Variants in SRPK2 observed in about 807,000 individuals in gnomAD.
SRPK2 encodes the protein SFRS protein kinase 2.
SRPK2 carries 21 observed loss-of-function variants against 90.8 expected under a neutral mutation model. That is an observed-to-expected ratio of 0.23 (90% CI 0.16 to 0.33). The LOEUF is 0.33. SRPK2 is among the 10% of genes least tolerant of loss of function. The pLI, the probability that SRPK2 is intolerant of heterozygous loss-of-function variation, is 1.00. For missense variants in SRPK2, 620 were observed against 869.0 expected (o/e 0.71, Z 3.60); for synonymous variants, 288 against 311.1 (o/e 0.93, Z 0.78).
intron 3 of SRPK2, among the ~76,000 whole-genome samples, chr7:105,173,920 GTGT>G (rs1451736671): frequency 7.0e-6 from 1 of 142,518 alleles, no homozygotes; most frequent in East Asian, 2.0e-4. Flanking sequence ...TTGTGTGTTG[GTGT>G]TTTTTTTTTT....
At chr7:105,234,781 C>T (rs1016763567) in intron 2 of SRPK2, among the ~76,000 whole-genome samples, 1 of 151,888 alleles carries the variant, frequency 6.6e-6, no homozygotes, top group Non-Finnish European at 1.5e-5. Context: ...TAAGATTCAC[C>T]ACATGCTATA....
At chr7:105,255,208 G>T in intron 2 of SRPK2, among the ~76,000 whole-genome samples, 1 of 149,748 alleles carries the variant, frequency 6.7e-6, no homozygotes, top group South Asian at 2.2e-4. Context: ...AACTAATATT[G>T]TTTCTCCTTA....
chr7:105,306,780 A>G (rs1811194128), intron 2 of SRPK2: 1 of 206,052 alleles, frequency 4.9e-6, no homozygotes, highest in African/African-American at 2.3e-5. Context: ...ATTTCTCAGA[A>G]TTAAAAGTAA....
chr7:105,211,114 G>T (rs771964217), intron 2 of SRPK2, among the ~76,000 whole-genome samples: 2 of 152,198 alleles, frequency 1.3e-5, no homozygotes, highest in Non-Finnish European at 2.9e-5. Context: ...ATAAACAGGT[G>T]TTGTTTTAAG....
chr7:105,132,925 C>G (rs763974790), intron 12 of SRPK2, 27 bp from the exon 13 acceptor site: 2 of 1,612,502 alleles, frequency 1.2e-6, no homozygotes, highest in South Asian at 2.2e-5. Flanking sequence ...TGCATTACCA[C>G]GGAGCAACAC....
At position 105,256,548 on chromosome 7, in the gene SRPK2, G is replaced by A. The variant is rs961919927; in HGVS notation, c.72-52763C>T. ...TTTTTAAATTATTTTGTAGAGACGG[G>A]GGTCTTGGTATGTTGCATGGGTTGG... On this transcript the variant is annotated intron_variant, in intron 2 of 15. Coordinates refer to ENST00000393651, the MANE Select transcript of SRPK2 (RefSeq NM_182692.3). Among the ~76,000 whole-genome samples, 6 of 152,198 alleles carry A rather than the reference G, an allele frequency of 3.9e-5. No individual in the cohort carries two copies. The East Asian group carries it at 1.2e-3, about 29-fold the overall frequency.
chr7:105,224,955 C>T (rs929941110), intron 2 of SRPK2, among the ~76,000 whole-genome samples: 1 of 152,124 alleles, frequency 6.6e-6, no homozygotes, highest in African/African-American at 2.4e-5. Flanking sequence ...AATATTAAAT[C>T]GAAAACTTCC....
At chr7:105,167,954 A>G in intron 5 of SRPK2, 54 bp downstream of exon 5, 1 of 1,430,000 alleles carries the variant, frequency 7.0e-7, no homozygotes, top group Non-Finnish European at 9.5e-7. Context: ...ATCTTTCTGT[A>G]AAATTTTAAG....
At chr7:105,302,555 G>A (rs919938929) in intron 2 of SRPK2, among the ~76,000 whole-genome samples, 6 of 152,170 alleles carry the variant, frequency 3.9e-5, no homozygotes, top group South Asian at 2.1e-4. Flanking sequence ...TTACTGAACC[G>A]TAAATTGCTT....
chr7:105,118,092 G>C lies in SRPK2; in HGVS notation c.1916-70C>G, dbSNP rs1006591648. On this transcript the variant is annotated intron_variant, in intron 15 of 15. Coordinates refer to ENST00000393651, the MANE Select transcript of SRPK2 (RefSeq NM_182692.3). The stretch of plus-strand genomic sequence containing the variant: ...GCATTCCCCATTGTTGGTCCAGTCA[G>C]GTTCTTTTCAGTGAAGCGGACAACC... The C allele has an allele frequency of 3.9e-6, 6 of 1,554,398 alleles. No individual in the cohort carries two copies. In the African/African-American group the frequency reaches 8.3e-5, roughly 21 times the overall value.
chr7:105,317,360 T>A (rs150577346), intron 2 of SRPK2, among the ~76,000 whole-genome samples: 1 of 152,352 alleles, frequency 6.6e-6, no homozygotes, highest in African/African-American at 2.4e-5. Flanking sequence ...AATCTCAATG[T>A]TGAGTTGACA....
chr7:105,235,122 G>A (rs1205830489), intron 2 of SRPK2, among the ~76,000 whole-genome samples: 1 of 152,176 alleles, frequency 6.6e-6, no homozygotes, highest in African/African-American at 2.4e-5. Context: ...ACCTCTGTGG[G>A]AGACCATCTG....
At chr7:105,290,441 T>C (rs1375003976) in intron 2 of SRPK2, among the ~76,000 whole-genome samples, 1 of 152,054 alleles carries the variant, frequency 6.6e-6, no homozygotes, top group Non-Finnish European at 1.5e-5. Flanking sequence ...GAGTTCACAG[T>C]GAGCGGAGAC....
intron 3 of SRPK2, among the ~76,000 whole-genome samples, chr7:105,174,008 G>C (rs1172768302): frequency 1.3e-5 from 2 of 149,744 alleles, no homozygotes; most frequent in Non-Finnish European, 3.0e-5. Context: ...ACTTTGGAAG[G>C]CTGAGGCAGG....
At chr7:105,292,366 G>A (rs1809151718) in intron 2 of SRPK2, among the ~76,000 whole-genome samples, 1 of 151,988 alleles carries the variant, frequency 6.6e-6, no homozygotes, top group Admixed American at 6.6e-5. Flanking sequence ...AAATTATCTG[G>A]GTGTGGCGGC....
chr7:105,345,889 G>T (rs1486446249), intron 2 of SRPK2, among the ~76,000 whole-genome samples: 1 of 152,186 alleles, frequency 6.6e-6, no homozygotes, highest in Non-Finnish European at 1.5e-5. Flanking sequence ...CATGGCCAAG[G>T]GCCAGCTTTC....
At chr7:105,221,997 A>G (rs1305929087) in intron 2 of SRPK2, among the ~76,000 whole-genome samples, 1 of 152,204 alleles carries the variant, frequency 6.6e-6, no homozygotes, top group African/African-American at 2.4e-5. Flanking sequence ...CCTATCATTA[A>G]AAACACTGTA....
At chr7:105,161,893 TAAC>T (rs1319381156) in intron 6 of SRPK2, among the ~76,000 whole-genome samples, 2 of 152,308 alleles carry the variant, frequency 1.3e-5, no homozygotes, top group African/African-American at 2.4e-5. Context: ...TAATCTATAG[TAAC>T]AACATCTCAG....
chr7:105,236,227 T>C (rs1194593430), intron 2 of SRPK2, among the ~76,000 whole-genome samples: 6 of 152,210 alleles, frequency 3.9e-5, no homozygotes, highest in Non-Finnish European at 8.8e-5. Flanking sequence ...TGATTTTATC[T>C]TTCAGGAGTT....
Sources: gnomAD v4.1 joint callset for allele counts (sites outside exome capture counted in the v4.1 genomes callset) on GRCh38, gnomAD v4.1.1 for gene constraint, MANE v1.5 for transcripts, NCBI Gene and HGNC (gene_info 2026-07-23, HGNC 2026-07-21) for gene names.